ABCC9: variants seen among roughly 807,000 people sequenced by gnomAD.
ABCC9 encodes the protein ATP binding cassette subfamily C member 9.
A neutral mutation model predicts 188.3 loss-of-function variants in ABCC9; 95 were observed. The observed-to-expected ratio is 0.50, with a 90% CI of 0.43 to 0.60. The LOEUF (loss-of-function observed/expected upper bound fraction) is 0.60. Ranked by LOEUF, ABCC9 falls within the 20% of genes least tolerant of loss-of-function variation. The pLI is 0.00. For missense variants in ABCC9, 1,102 were observed against 1,876.3 expected (o/e 0.59, Z 7.62); for synonymous variants, 659 against 652.7 (o/e 1.01, Z -0.15).
Position 21,817,244 on chromosome 12 carries a change from C to G in ABCC9, c.3835G>C (p.Val1279Leu). The part of the protein sequence containing the change: ...LADLEVQMGA[V>L]KKVNSFLTME... Reference sequence around the variant, plus strand: ...GTCAGGAAACTGTTCACCTTCTTCACTGCACCCATCTGGACCTCCAGGTCA... The same window carrying G: ...GTCAGGAAACTGTTCACCTTCTTCAGTGCACCCATCTGGACCTCCAGGTCA... The change falls in exon 33 of 40, where the codon GTG becomes CTG. Residue 1279 changes from valine (V) to leucine (L), a missense_variant. By Grantham distance (32) the Val-to-Leu change is conservative. This residue lies in a region of ABCC9 where 143 missense variants were observed against 225.6 expected (regional missense o/e 0.63). Transcript: ENST00000261200. 6.2e-7 allele frequency: 1 copy of G among 1,613,800 alleles called. No homozygotes were observed.
At chr12:21,805,792 G>A (rs1941794380) in intron 39 of ABCC9, among the ~76,000 whole-genome samples, 1 of 152,108 alleles carries the variant, frequency 6.6e-6, no homozygotes, top group African/African-American at 2.4e-5. Context: ...TCTAACTTAG[G>A]GAAGTCAGTT....
intron 24 of ABCC9, 43 bp downstream of exon 24, chr12:21,852,053 CT>C (rs1177880371): frequency 6.2e-7 from 1 of 1,611,078 alleles, no homozygotes; most frequent in Non-Finnish European, 8.5e-7. Flanking sequence ...ATTTCTAACT[CT>C]TCTGAATTGG....
At chr12:21,815,599 T>A (rs1254106179) in intron 34 of ABCC9, among the ~76,000 whole-genome samples, 164 bp downstream of exon 34, 1 of 152,172 alleles carries the variant, frequency 6.6e-6, no homozygotes, top group Admixed American at 6.6e-5. Context: ...TGTACTGTAG[T>A]CTGATCCTAT....
chr12:21,873,502 T>A (rs1478631237), intron 17 of ABCC9, among the ~76,000 whole-genome samples: 1 of 152,160 alleles, frequency 6.6e-6, no homozygotes, highest in East Asian at 1.9e-4. Context: ...CAAAGCAATC[T>A]ACAGATTCAA....
At chr12:21,836,009 A>C (rs1398145080) in intron 30 of ABCC9, among the ~76,000 whole-genome samples, 1 of 152,078 alleles carries the variant, frequency 6.6e-6, no homozygotes, top group African/African-American at 2.4e-5. Context: ...TTCTCCCTCA[A>C]CCTTACTCTT....
chr12:21,852,067 T>A (rs1944997451), intron 24 of ABCC9, 30 bp downstream of exon 24: 1 of 1,612,872 alleles, frequency 6.2e-7, no homozygotes, highest in African/African-American at 1.3e-5. Context: ...TGAATTGGGC[T>A]CTGAACTCTT....
At position 21,905,351 on chromosome 12, in the gene ABCC9, C is replaced by CAT. The variant is rs200048509; in HGVS notation, c.1618+773_1618+774dup. Reference sequence around the variant, plus strand: ...ATGGGTGCAGCACACCAACATGACACATATATATATATGTAACAAACCTGC... The same window carrying CAT: ...ATGGGTGCAGCACACCAACATGACACATATATATATATATGTAACAAACCTGC... On this transcript the variant is annotated intron_variant, in intron 12 of 39. Transcript: ENST00000261200. Among the ~76,000 whole-genome samples the CAT allele has an allele frequency of 0.016, 2,359 of 150,990 alleles. 125 individuals carry two copies. In the East Asian group the frequency reaches 0.16, roughly 10 times the overall value.
chr12:21,803,561 A>G (rs1252637584), intron 39 of ABCC9, among the ~76,000 whole-genome samples: 4 of 151,258 alleles, frequency 2.6e-5, no homozygotes, highest in African/African-American at 9.7e-5. Context: ...AGGCTGAGAC[A>G]GGAGAATCGT....
intron 8 of ABCC9, among the ~76,000 whole-genome samples, chr12:21,912,486 G>A (rs868629266): frequency 3.3e-5 from 5 of 151,892 alleles, no homozygotes; most frequent in Middle Eastern, 3.2e-3. Flanking sequence ...CACATTGCTA[G>A]TATTATTGGT....
intron 18 of ABCC9, among the ~76,000 whole-genome samples, chr12:21,871,218 G>T (rs1946056227): frequency 6.6e-6 from 1 of 152,090 alleles, no homozygotes; most frequent in African/African-American, 2.4e-5. Flanking sequence ...AGTGGCTAGG[G>T]GAACATCATC....
chr12:21,915,153 G>A (rs1592223594), intron 7 of ABCC9, among the ~76,000 whole-genome samples: 2 of 150,468 alleles, frequency 1.3e-5, no homozygotes, highest in Admixed American at 1.3e-4. Context: ...CATCTGCCTC[G>A]GCCTCCCAAA....
At chr12:21,877,748 A>G (rs188464570) in intron 16 of ABCC9, among the ~76,000 whole-genome samples, 3 of 152,342 alleles carry the variant, frequency 2.0e-5, no homozygotes, top group Non-Finnish European at 4.4e-5. Context: ...TGACAGCTGC[A>G]TAGCTACTGT....
chr12:21,806,091 G>A (rs772376402), intron 38 of ABCC9, 31 bp from the exon 39 acceptor site: 18 of 1,587,050 alleles, frequency 1.1e-5, no homozygotes, highest in South Asian at 8.8e-5. Flanking sequence ...AAATTTTCTC[G>A]GGATTACTTT....
chr12:21,864,287 G>T, intron 19 of ABCC9, 152 bp downstream of exon 19: 1 of 587,640 alleles, frequency 1.7e-6, no homozygotes, highest in Non-Finnish European at 3.0e-6. Context: ...TTAGCAGCTT[G>T]TCAAGGTTGC....
At chr12:21,901,597 G>A (rs962463233) in intron 12 of ABCC9, among the ~76,000 whole-genome samples, 1 of 151,744 alleles carries the variant, frequency 6.6e-6, no homozygotes, top group Non-Finnish European at 1.5e-5. Flanking sequence ...TCAAAATAAA[G>A]GGATGGAGGA....
intron 14 of ABCC9, among the ~76,000 whole-genome samples, chr12:21,893,364 C>G (rs1404380068): frequency 2.0e-5 from 3 of 152,088 alleles, no homozygotes; most frequent in African/African-American, 7.2e-5. Flanking sequence ...CCAGATTAAA[C>G]TAAAATTAAA....
rs1283802 is a variant in ABCC9 at position 21,882,949 on chromosome 12, T to G, written c.1912-76A>C. On this transcript the variant is annotated intron_variant, in intron 15 of 39. Transcript: ENST00000261200. ...AAGTTTTACTGAACACTTACTCACA[T>G]TGCTACCTAAGTTCCAAGAAAAAGA... 0.25 allele frequency: 272,830 copies of G among 1,071,212 alleles called. 41,747 individuals carry two copies. Among genetic ancestry groups the G allele is most frequent in the African/African-American group, 0.62 (39,810 of 64,492 alleles). 66.4% of individuals were successfully genotyped at this position (1,071,212 alleles called of 1,614,324 possible). A position where few individuals can be genotyped will look rare whatever the true frequency, so the allele number is the denominator to read the frequency against.
At chr12:21,862,174 G>A (rs1945549790) in intron 20 of ABCC9, among the ~76,000 whole-genome samples, 1 of 151,698 alleles carries the variant, frequency 6.6e-6, no homozygotes, top group Non-Finnish European at 1.5e-5. Flanking sequence ...CACACTGCAT[G>A]CCTGGATAAT....
At chr12:21,924,268 C>T (rs1948962121) in intron 5 of ABCC9, 1 of 154,960 alleles carries the variant, frequency 6.5e-6, no homozygotes, top group Non-Finnish European at 1.4e-5. Flanking sequence ...ATACTAATGT[C>T]TACAACTTAC....
Sources: gnomAD v4.1 joint callset for allele counts (sites outside exome capture counted in the v4.1 genomes callset) on GRCh38, gnomAD v4.1.1 for gene constraint, gnomAD v4.1.1 regional missense constraint, MANE v1.5 for transcripts, NCBI Gene and HGNC (gene_info 2026-07-23, HGNC 2026-07-21) for gene names.